The following JAG1 variants were observed in gnomAD, a reference collection of about 807,000 sequenced individuals.
The protein encoded by JAG1 is protein jagged-1.
JAG1 carries 23 observed loss-of-function variants against 148.7 expected under a neutral mutation model. The observed-to-expected ratio is 0.15, with a 90% CI of 0.11 to 0.22. The LOEUF is 0.22. JAG1 is among the 10% of genes least tolerant of loss of function. The probability of loss-of-function intolerance (pLI) is 1.00; values close to 1 mark genes in which losing one functional copy is unlikely to be tolerated. For synonymous variants in JAG1, 572 were observed against 598.3 expected (o/e 0.96, Z 0.64); for missense variants, 1,054 against 1,611.2 (o/e 0.65, Z 5.92).
At chr20:10,659,396 T>A (rs188813877) in intron 3 of JAG1, among the ~76,000 whole-genome samples, 110 of 152,328 alleles carry the variant, frequency 7.2e-4, no homozygotes, top group African/African-American at 2.3e-3. Flanking sequence ...TCTTTACATA[T>A]GAGAGACAGT....
chr20:10,671,378 C>A (rs2067493754), intron 2 of JAG1, among the ~76,000 whole-genome samples: 1 of 152,158 alleles, frequency 6.6e-6, no homozygotes, highest in Non-Finnish European at 1.5e-5. Flanking sequence ...TTTATAAACC[C>A]CTTTTCATGG....
chr20:10,655,822 C>T (rs559881041), intron 5 of JAG1, among the ~76,000 whole-genome samples: 1 of 152,286 alleles, frequency 6.6e-6, no homozygotes, highest in East Asian at 1.9e-4. Flanking sequence ...TTGGCTTCCG[C>T]ATTGTTCCTG....
chr20:10,640,097 T>C (rs1375158633), intron 25 of JAG1, 142 bp from the exon 26 acceptor site: 1 of 720,292 alleles, frequency 1.4e-6, no homozygotes, highest in East Asian at 2.7e-5. Flanking sequence ...CTTTTCATCA[T>C]TGCATATGGT....
Position 10,641,115 on chromosome 20 carries a change from T to C in JAG1, c.3046A>G (p.Ile1016Val), listed in dbSNP as rs142513506. ...PSANNEIHVA[I>V]SAEDIRDDGN... ...GTGTGAATGGGTCTTATACTTACAA[T>C]GGCCACATGTATTTCATTGTTCGCT... The change falls in exon 24 of 26, where the codon ATT (isoleucine) becomes GTT (valine). Residue 1016 changes from isoleucine (I) to valine (V), a missense_variant and splice_region_variant. By Grantham distance (29) the Ile-to-Val change is conservative. Transcript: ENST00000254958. 4 of 1,614,012 alleles carry C rather than the reference T, an allele frequency of 2.5e-6. No homozygotes were observed. The highest frequency in any genetic ancestry group is 1.1e-5 in the South Asian group (1 of 91,094).
At chr20:10,644,734 T>C in intron 18 of JAG1, 129 bp downstream of exon 18, 1 of 794,328 alleles carries the variant, frequency 1.3e-6, no homozygotes, top group Non-Finnish European at 2.3e-6. Context: ...ATCAAGTCAT[T>C]AATGCAGACC....
chr20:10,669,029 G>GAA (rs549768142), intron 2 of JAG1, among the ~76,000 whole-genome samples: 2 of 130,942 alleles, frequency 1.5e-5, no homozygotes, highest in Admixed American at 1.5e-4. Flanking sequence ...ACCTGCAAGA[G>GAA]AAAAAAAAAT....
At chr20:10,642,666 AT>A (rs1227800976) in intron 20 of JAG1, 65 bp from the exon 21 acceptor site, 3 of 945,936 alleles carry the variant, frequency 3.2e-6, no homozygotes, top group Non-Finnish European at 5.2e-6. Flanking sequence ...GATTGTTTTT[AT>A]TGACATAACA....
chr20:10,658,195 C>T (rs1190887244), intron 4 of JAG1, among the ~76,000 whole-genome samples: 1 of 152,180 alleles, frequency 6.6e-6, no homozygotes, highest in East Asian at 1.9e-4. Context: ...GGGGCATGCA[C>T]TGGTTTGGCC....
In JAG1 at chr20:10,641,610, G is replaced by A. The variant is rs2229895; in HGVS notation, c.2766C>T (p.Asp922=). 3.2e-3 allele frequency: 5,179 copies of A among 1,614,060 alleles called. 129 individuals carry two copies. In the African/African-American group the frequency reaches 0.056, roughly 17 times the overall value. ...TGCAGGGGTGGACGAAGCACTGGTC[G>A]TCCAGGATGGGGATGCAGCTCTGCC... ...PSGQSCIPIL[D]DQCFVHPCTG... Residue 922 remains aspartate, a synonymous_variant, in exon 23 of 26, where the codon GAC becomes GAT. Coordinates refer to ENST00000254958, the MANE Select transcript of JAG1 (RefSeq NM_000214.3).
intron 4 of JAG1, among the ~76,000 whole-genome samples, chr20:10,657,839 G>C (rs2067388712): frequency 6.6e-6 from 1 of 152,166 alleles, no homozygotes. Context: ...AAGACACCTA[G>C]TGAAAACTTG....
chr20:10,651,484 G>C, intron 8 of JAG1, 97 bp downstream of exon 8: 1 of 781,904 alleles, frequency 1.3e-6, no homozygotes, highest in Non-Finnish European at 2.2e-6. Context: ...CTCTCTCACC[G>C]AGACATTCAC....
intron 2 of JAG1, among the ~76,000 whole-genome samples, chr20:10,666,375 T>G (rs2067454203): frequency 6.6e-6 from 1 of 151,988 alleles, no homozygotes; most frequent in Non-Finnish European, 1.5e-5. Flanking sequence ...GCACCCCACA[T>G]CAAAGCAGGG....
intron 4 of JAG1, 99 bp from the exon 5 acceptor site, chr20:10,656,557 G>A (rs369378543): frequency 3.0e-5 from 28 of 946,376 alleles, no homozygotes; most frequent in Non-Finnish European, 4.7e-5. Context: ...CAAATTCCAC[G>A]ATTTTAACAG....
intron 2 of JAG1, among the ~76,000 whole-genome samples, chr20:10,665,438 C>T (rs546334109): frequency 4.6e-5 from 7 of 152,196 alleles, no homozygotes; most frequent in Non-Finnish European, 1.0e-4. Context: ...CAGCCCTCTC[C>T]TGTTAGTGGC....
intron 5 of JAG1, among the ~76,000 whole-genome samples, chr20:10,652,980 T>C (rs1210121906): frequency 1.3e-5 from 2 of 151,780 alleles, no homozygotes; most frequent in African/African-American, 4.8e-5. Flanking sequence ...TATGCCAAAG[T>C]CTCTGCAGAC....
At chr20:10,668,110 A>C (rs73604317) in intron 2 of JAG1, among the ~76,000 whole-genome samples, 9,156 of 151,148 alleles carry the variant, frequency 0.061, 487 homozygotes, top group East Asian at 0.23. Context: ...AAAAAAAAAA[A>C]AAAAAACAGC....
rs1311185626 is a variant in JAG1 at position 10,645,556 on chromosome 20, A to G, written c.2000-87T>C. On this transcript the variant is annotated intron_variant, in intron 15 of 25. Transcript: ENST00000254958. The surrounding 1 kb of genome is among the most constrained non-coding windows in gnomAD (Gnocchi z 6.1). Reference sequence around the variant, plus strand: ...GAGCCAAGCCTTTCCTACTGCTTACATCCAACATCCTATTCTGAGAACAGC... The same window carrying G: ...GAGCCAAGCCTTTCCTACTGCTTACGTCCAACATCCTATTCTGAGAACAGC... 1.0e-6 allele frequency: 1 copy of G among 990,892 alleles called. No individual in the cohort carries two copies. Among genetic ancestry groups the G allele is most frequent in the Non-Finnish European group, 1.6e-6 (1 of 624,446 alleles). 61.4% of individuals were successfully genotyped at this position (990,892 alleles called of 1,614,324 possible). A position where few individuals can be genotyped will look rare whatever the true frequency, so the allele number is the denominator to read the frequency against.
chr20:10,668,367 T>C (rs1422511126), intron 2 of JAG1, among the ~76,000 whole-genome samples: 1 of 152,180 alleles, frequency 6.6e-6, no homozygotes, highest in Non-Finnish European at 1.5e-5. Context: ...GAGTCACTTC[T>C]CTCAGCAGCC....
At chr20:10,650,402 T>A (rs1463542511) in intron 8 of JAG1, 42 bp from the exon 9 acceptor site, 1 of 1,136,022 alleles carries the variant, frequency 8.8e-7, no homozygotes, top group Admixed American at 1.8e-5. Context: ...TTTAATTCAA[T>A]CCATCTGACA....
Sources: allele counts gnomAD v4.1 joint callset (sites outside exome capture counted in the v4.1 genomes callset), GRCh38; gene constraint gnomAD v4.1.1; non-coding constraint Gnocchi (gnomAD v3.1); transcripts MANE v1.5; gene names NCBI Gene and HGNC (gene_info 2026-07-23, HGNC 2026-07-21).